The following CLSTN2 variants were observed in gnomAD, a reference collection of about 807,000 sequenced individuals.
The protein encoded by CLSTN2 is calsyntenin 2.
CLSTN2 carries 48 observed loss-of-function variants against 101.2 expected under a neutral mutation model. The observed-to-expected ratio is 0.47, with a 90% CI of 0.38 to 0.60. The LOEUF (loss-of-function observed/expected upper bound fraction) is 0.60. CLSTN2 is among the 20% of genes least tolerant of loss of function. The pLI is 0.00. For missense variants in CLSTN2, 1,160 were observed against 1,238.2 expected (o/e 0.94, Z 0.95); for synonymous variants, 481 against 463.6 (o/e 1.04, Z -0.48).
chr3:140,283,325 C>A (rs2086865909), intron 2 of CLSTN2, among the ~76,000 whole-genome samples: 1 of 152,100 alleles, frequency 6.6e-6, no homozygotes, highest in Admixed American at 6.6e-5. Context: ...CTTCATCTTT[C>A]TGAGGGCCAA....
Position 140,419,411 on chromosome 3 carries a change from G to A in CLSTN2, c.638-1714G>A, listed in dbSNP as rs146430557. On this transcript the variant is annotated intron_variant, in intron 4 of 16. Coordinates refer to ENST00000458420, the MANE Select transcript of CLSTN2 (RefSeq NM_022131.3). ...GCGGGAGAATCACTTGAACCCAGGA[G>A]GTGAAAGATTGCAGGGAGCCGAGAT... 3.6e-3 allele frequency among the ~76,000 whole-genome samples: 513 copies of A among 141,736 alleles called. 7 individuals carry two copies. The highest frequency in any genetic ancestry group is 0.014 in the African/African-American group (492 of 35,862). 93.0% of individuals were successfully genotyped at this position (141,736 alleles called of 152,430 possible).
chr3:140,026,057 T>G (rs1307317225), intron 1 of CLSTN2, among the ~76,000 whole-genome samples: 1 of 152,210 alleles, frequency 6.6e-6, no homozygotes, highest in African/African-American at 2.4e-5. Flanking sequence ...CAGGTCCATC[T>G]GCTCTCCAGG....
intron 2 of CLSTN2, among the ~76,000 whole-genome samples, chr3:140,193,860 C>T (rs575679180): frequency 8.5e-4 from 130 of 152,064 alleles, no homozygotes; most frequent in African/African-American, 3.0e-3. Flanking sequence ...TTGAGTTATT[C>T]CTATTTTTCT....
intron 1 of CLSTN2, among the ~76,000 whole-genome samples, chr3:140,022,398 G>T (rs1268974563): frequency 1.3e-5 from 2 of 152,214 alleles, no homozygotes; most frequent in African/African-American, 4.8e-5. Context: ...TGCAAGTAAG[G>T]GTTTGCAGAA....
intron 2 of CLSTN2, among the ~76,000 whole-genome samples, chr3:140,186,361 A>G (rs921725713): frequency 1.3e-5 from 2 of 152,212 alleles, no homozygotes; most frequent in African/African-American, 2.4e-5. Flanking sequence ...TTAATTATGA[A>G]CATGAATTTT....
chr3:139,963,961 G>A (rs1319153022), intron 1 of CLSTN2, among the ~76,000 whole-genome samples: 4 of 152,312 alleles, frequency 2.6e-5, no homozygotes, highest in Admixed American at 2.6e-4. Flanking sequence ...TGTTGCCAGG[G>A]CAGCTCCAGG....
intron 1 of CLSTN2, among the ~76,000 whole-genome samples, chr3:140,119,506 G>C (rs530443710): frequency 4.6e-5 from 7 of 152,076 alleles, no homozygotes; most frequent in Non-Finnish European, 8.8e-5. Context: ...AGGCAGCAGG[G>C]CACCTAATTT....
intron 1 of CLSTN2, among the ~76,000 whole-genome samples, chr3:139,962,698 T>C (rs937472568): frequency 1.3e-5 from 2 of 152,216 alleles, no homozygotes; most frequent in African/African-American, 4.8e-5. Context: ...TATAATCATT[T>C]TGAGATTCAT....
In CLSTN2 at chr3:140,347,470, A is replaced by T. The variant is rs927573285; in HGVS notation, c.233-56159A>T. The stretch of plus-strand genomic sequence containing the variant: ...CCTGGTGTGAACATATTAACTCATC[A>T]TGATTCTGCTGTTTTCTGAGCAGGC... On this transcript the variant is annotated intron_variant, in intron 2 of 16. Transcript: ENST00000458420. 2.6e-5 allele frequency among the ~76,000 whole-genome samples: 4 copies of T among 152,342 alleles called. No individual in the cohort carries two copies. The East Asian group carries it at 7.7e-4, about 29-fold the overall frequency.
At chr3:140,075,925 A>T (rs894266150) in intron 1 of CLSTN2, among the ~76,000 whole-genome samples, 1 of 152,126 alleles carries the variant, frequency 6.6e-6, no homozygotes, top group East Asian at 1.9e-4. Flanking sequence ...TTAAAAAAAA[A>T]AAATTGTAGT....
At chr3:140,208,321 C>T (rs545035481) in intron 2 of CLSTN2, among the ~76,000 whole-genome samples, 17 of 152,246 alleles carry the variant, frequency 1.1e-4, no homozygotes, top group African/African-American at 4.1e-4. Context: ...CAGTTTACTG[C>T]CTCAGAAATA....
intron 1 of CLSTN2, among the ~76,000 whole-genome samples, chr3:140,000,202 G>A (rs575543555): frequency 2.6e-5 from 4 of 152,290 alleles, no homozygotes; most frequent in Admixed American, 1.3e-4. Context: ...TCAGACAAGT[G>A]TAAAAGGTTC....
intron 8 of CLSTN2, among the ~76,000 whole-genome samples, chr3:140,521,772 C>G (rs1315098868): frequency 1.3e-5 from 2 of 152,214 alleles, no homozygotes; most frequent in East Asian, 3.8e-4. Context: ...TCCCCAGGAA[C>G]TTGGTCCTTC....
At chr3:140,159,092 C>A (rs185670423) in intron 1 of CLSTN2, among the ~76,000 whole-genome samples, 1 of 152,024 alleles carries the variant, frequency 6.6e-6, no homozygotes. Context: ...AGAAAACCTA[C>A]GAAATATTCT....
At position 140,405,039 on chromosome 3, in the gene CLSTN2, C is replaced by G. The variant is rs912519591; in HGVS notation, c.637+273C>G. Reference sequence around the variant, plus strand: ...ACTCACAGTGCCACACATCTAGATACCGAAGATGGTTGATTTCCTGGTCAA... The same window carrying G: ...ACTCACAGTGCCACACATCTAGATAGCGAAGATGGTTGATTTCCTGGTCAA... On this transcript the variant is annotated intron_variant, in intron 4 of 16. Coordinates refer to ENST00000458420, the MANE Select transcript of CLSTN2 (RefSeq NM_022131.3). 1.4e-4 allele frequency among the ~76,000 whole-genome samples: 21 copies of G among 152,272 alleles called. No homozygotes were observed. The South Asian group carries it at 2.7e-3, about 20-fold the overall frequency.
At chr3:140,047,790 G>A (rs935049621) in intron 1 of CLSTN2, among the ~76,000 whole-genome samples, 31 of 152,226 alleles carry the variant, frequency 2.0e-4, no homozygotes, top group African/African-American at 6.5e-4. Flanking sequence ...CCATTAGTTC[G>A]TTAACACATT....
chr3:140,548,509 G>C (rs1413682375), intron 10 of CLSTN2, among the ~76,000 whole-genome samples: 1 of 152,156 alleles, frequency 6.6e-6, no homozygotes, highest in Middle Eastern at 3.2e-3. Context: ...AAGCCTCCTT[G>C]GATGAGGTGA....
chr3:140,212,055 A>G (rs911383646), intron 2 of CLSTN2, among the ~76,000 whole-genome samples: 6 of 152,154 alleles, frequency 3.9e-5, no homozygotes, highest in Non-Finnish European at 7.4e-5. Context: ...TCTTCCAAAC[A>G]TCATGGATCT....
intron 1 of CLSTN2, among the ~76,000 whole-genome samples, chr3:140,098,902 A>G (rs1026656632): frequency 3.9e-5 from 6 of 152,192 alleles, no homozygotes; most frequent in African/African-American, 1.4e-4. Flanking sequence ...AAGTGGAGAC[A>G]CTGTCCAGGC....
Sources: gnomAD v4.1 joint callset for allele counts (sites outside exome capture counted in the v4.1 genomes callset) on GRCh38, gnomAD v4.1.1 for gene constraint, MANE v1.5 for transcripts, NCBI Gene and HGNC (gene_info 2026-07-23, HGNC 2026-07-21) for gene names.